NSMAF: variants seen among roughly 807,000 people sequenced by gnomAD.
The protein encoded by NSMAF is protein FAN.
NSMAF carries 90 observed loss-of-function variants against 134.9 expected under a neutral mutation model. The observed-to-expected ratio is 0.67, with a 90% CI of 0.56 to 0.79. The LOEUF (loss-of-function observed/expected upper bound fraction) is 0.79. NSMAF is among the 30% of genes least tolerant of loss of function. NSMAF has a pLI of 0.00. For missense variants in NSMAF, 1,010 were observed against 1,119.0 expected (o/e 0.90, Z 1.39); for synonymous variants, 358 against 389.6 (o/e 0.92, Z 0.96).
At position 58,659,641 on chromosome 8, in the gene NSMAF, G is replaced by A. The variant is rs764274720; in HGVS notation, c.-10C>T. On this transcript the variant is annotated 5_prime_UTR_variant, in exon 1 of 31. Transcript: ENST00000038176. ...TCCGGATAAACGCCATGGAGGGTAGGCGCGGGCGGGCGCAGAGCGCACAGG... is the reference window on the plus strand; with the variant it reads ...TCCGGATAAACGCCATGGAGGGTAGACGCGGGCGGGCGCAGAGCGCACAGG... 4.1e-5 allele frequency: 58 copies of A among 1,427,332 alleles called. No individual in the cohort carries two copies. Among genetic ancestry groups the A allele is most frequent in the Non-Finnish European group, 5.3e-5 (58 of 1,091,602 alleles). 88.4% of individuals were successfully genotyped at this position (1,427,332 alleles called of 1,614,324 possible).
rs75266299 is a variant in NSMAF, at chr8:58,649,233, G to T, written c.60-6160C>A. ...CTGCCCTACTGGGTTTCAGACTTCAGTGAGGCCTACTGCCCCTTTCTTTTG... is the reference window on the plus strand; with the variant it reads ...CTGCCCTACTGGGTTTCAGACTTCATTGAGGCCTACTGCCCCTTTCTTTTG... On this transcript the variant is annotated intron_variant, in intron 1 of 30. Transcript: ENST00000038176. Among the ~76,000 whole-genome samples the T allele has an allele frequency of 7.9e-5, 12 of 152,328 alleles. 1 individual carries two copies. The East Asian group carries it at 1.9e-3, about 24-fold the overall frequency.
At chr8:58,655,674 G>A (rs533621267) in intron 1 of NSMAF, among the ~76,000 whole-genome samples, 8 of 152,044 alleles carry the variant, frequency 5.3e-5, no homozygotes, top group Admixed American at 2.6e-4. Context: ...TTGGGAGGCC[G>A]AGGCGGGCGG....
intron 6 of NSMAF, among the ~76,000 whole-genome samples, chr8:58,624,261 G>C (rs1806863277): frequency 6.6e-6 from 1 of 152,034 alleles, no homozygotes; most frequent in African/African-American, 2.4e-5. Context: ...TGGCCAGGCT[G>C]ATCTCAAACT....
At chr8:58,588,678 G>A (rs1341849765) in intron 26 of NSMAF, 2 of 1,542,076 alleles carry the variant, frequency 1.3e-6, no homozygotes, top group East Asian at 2.2e-5. Context: ...CCTTGGGCAT[G>A]CATCGGGCAC....
chr8:58,633,318 C>G (rs1032909016), intron 5 of NSMAF, among the ~76,000 whole-genome samples: 25 of 152,222 alleles, frequency 1.6e-4, no homozygotes, highest in Admixed American at 1.3e-3. Context: ...GCTTCTCCCC[C>G]ACCACTCTCT....
intron 9 of NSMAF, among the ~76,000 whole-genome samples, chr8:58,621,429 G>A (rs1806786395): frequency 6.6e-6 from 1 of 152,196 alleles, no homozygotes. Context: ...ACGTGTGCAT[G>A]TATCTTTATG....
At chr8:58,630,303 C>G (rs1022377876) in intron 6 of NSMAF, among the ~76,000 whole-genome samples, 1 of 151,628 alleles carries the variant, frequency 6.6e-6, no homozygotes, top group East Asian at 1.9e-4. Context: ...TTGCTGCTGT[C>G]ATTCCACCTC....
chr8:58,596,948 AG>A (rs1806149851), intron 21 of NSMAF, among the ~76,000 whole-genome samples: 1 of 150,224 alleles, frequency 6.7e-6, no homozygotes, highest in South Asian at 2.1e-4. Flanking sequence ...AAAAAAAAAA[AG>A]ATCTGTATGT....
intron 2 of NSMAF, among the ~76,000 whole-genome samples, chr8:58,642,221 T>C (rs758367761): frequency 3.9e-5 from 6 of 152,360 alleles, no homozygotes; most frequent in Non-Finnish European, 7.4e-5. Flanking sequence ...TGGATTTATC[T>C]ACTGTCAAAG....
intron 2 of NSMAF, 124 bp from the exon 3 acceptor site, chr8:58,635,670 T>A: frequency 1.7e-6 from 1 of 603,680 alleles, no homozygotes; most frequent in Non-Finnish European, 2.9e-6. Context: ...ATAATGCATA[T>A]AAAGAGAACG....
intron 6 of NSMAF, among the ~76,000 whole-genome samples, chr8:58,627,452 A>G (rs1806961394): frequency 6.6e-6 from 1 of 152,206 alleles, no homozygotes; most frequent in Non-Finnish European, 1.5e-5. Context: ...CCATTTACCT[A>G]GAAAACTCTA....
chr8:58,653,220 C>T (rs1263388234), intron 1 of NSMAF, among the ~76,000 whole-genome samples: 3 of 152,056 alleles, frequency 2.0e-5, no homozygotes, highest in Admixed American at 6.6e-5. Context: ...AAATATATAA[C>T]TTCCATACTC....
intron 2 of NSMAF, chr8:58,637,235 T>G (rs932318736): frequency 4.6e-6 from 2 of 436,892 alleles, no homozygotes; most frequent in Non-Finnish European, 9.3e-6. Flanking sequence ...CTTCCTTACT[T>G]GCCAGTATGA....
Position 58,605,912 on chromosome 8 carries a change from G to C in NSMAF, c.868+15C>G. 1 of 1,536,918 alleles carries C rather than the reference G, an allele frequency of 6.5e-7. No individual in the cohort carries two copies. The highest frequency in any genetic ancestry group is 1.4e-5 in the African/African-American group (1 of 70,374). The stretch of plus-strand genomic sequence containing the variant: ...AAAAAAAAAAGAAAGAAACAATGAA[G>C]GGTGAGCGCCAAACCTAGGTATGTG... On this transcript the variant is annotated intron_variant, in intron 12 of 30. Coordinates refer to ENST00000038176, the MANE Select transcript of NSMAF (RefSeq NM_003580.4).
rs142537914 is a variant in NSMAF at position 58,596,404 on chromosome 8, A to G, written c.1793-745T>C. ...GCTCCCAAAGCTCCACAGAGTGTCA[A>G]CCTCCTTCTGGAAGCCTGTAGGTTT... is the stretch of plus-strand genomic sequence containing the variant. On this transcript the variant is annotated intron_variant, in intron 21 of 30. Coordinates refer to ENST00000038176, the MANE Select transcript of NSMAF (RefSeq NM_003580.4). Among the ~76,000 whole-genome samples the G allele has an allele frequency of 4.8e-3, 724 of 152,264 alleles. 6 individuals carry two copies. Among genetic ancestry groups the G allele is most frequent in the African/African-American group, 0.016 (671 of 41,562 alleles).
At chr8:58,600,156 C>T (rs1406988697) in intron 16 of NSMAF, 135 bp from the exon 17 acceptor site, 1 of 661,276 alleles carries the variant, frequency 1.5e-6, no homozygotes, top group Non-Finnish European at 2.6e-6. Context: ...TTCTAACCAT[C>T]TCTCTGAGTG....
At chr8:58,627,228 T>C (rs934913562) in intron 6 of NSMAF, among the ~76,000 whole-genome samples, 1 of 152,246 alleles carries the variant, frequency 6.6e-6, no homozygotes, top group African/African-American at 2.4e-5. Flanking sequence ...GTCCCGTTTA[T>C]TTATTTTTGT....
intron 1 of NSMAF, among the ~76,000 whole-genome samples, chr8:58,659,022 G>C (rs912478388): frequency 1.3e-5 from 2 of 152,204 alleles, no homozygotes; most frequent in Admixed American, 6.5e-5. Flanking sequence ...AGGGCATGGA[G>C]CTAGTCCTGT....
At chr8:58,622,161 G>A (rs1346866420) in intron 9 of NSMAF, among the ~76,000 whole-genome samples, 1 of 152,150 alleles carries the variant, frequency 6.6e-6, no homozygotes, top group Non-Finnish European at 1.5e-5. Context: ...TGTAAGGAAG[G>A]AGTCTAGTTT....
Sources: allele counts gnomAD v4.1 joint callset (sites outside exome capture counted in the v4.1 genomes callset), GRCh38; gene constraint gnomAD v4.1.1; transcripts MANE v1.5; gene names NCBI Gene and HGNC (gene_info 2026-07-23, HGNC 2026-07-21).